Variants in REV1 observed in about 807,000 individuals in gnomAD.
The protein encoded by REV1 is REV1 DNA directed polymerase, also known as translesion synthesis protein REV1.
REV1 carries 42 observed loss-of-function variants against 137.4 expected under a neutral mutation model. The ratio of observed to expected loss-of-function variants is 0.31; its 90% CI spans 0.24 to 0.40. The LOEUF (loss-of-function observed/expected upper bound fraction) is 0.40, where lower values mean the gene tolerates loss of function less well. Among genes scored for constraint, REV1 ranks in the 10% least tolerant of loss-of-function variants. The probability of loss-of-function intolerance (pLI) is 1.00; values close to 1 mark genes in which losing one functional copy is unlikely to be tolerated. For missense variants in REV1, 1,282 were observed against 1,490.1 expected (o/e 0.86, Z 2.30); for synonymous variants, 524 against 519.2 (o/e 1.01, Z -0.12).
chr2:99,460,635 G>A (rs1051831701), intron 3 of REV1, among the ~76,000 whole-genome samples: 2 of 151,204 alleles, frequency 1.3e-5, no homozygotes, highest in African/African-American at 4.9e-5. Flanking sequence ...CTATAAAGTG[G>A]TAAAGTATTC....
At chr2:99,483,172 T>C (rs1377634817) in intron 1 of REV1, among the ~76,000 whole-genome samples, 1 of 152,068 alleles carries the variant, frequency 6.6e-6, no homozygotes, top group Non-Finnish European at 1.5e-5. Context: ...GAAATTGAAT[T>C]TATTATGAGT....
At position 99,403,034 on chromosome 2, in the gene REV1, A is replaced by G. The variant is rs776290254; in HGVS notation, c.3239T>C (p.Ile1080Thr). The G allele has an allele frequency of 5.6e-5, 90 of 1,613,932 alleles. 1 individual carries two copies. Among genetic ancestry groups the G allele is most frequent in the Non-Finnish European group, 4.8e-5 (57 of 1,179,990 alleles). ...EKKRNKKKKT[I>T]GSPKRIQSPL... ...ACTCTGAATCCTTTTTGGTGAACCA[A>G]TGGTTTTTTTCTTCTTGTTTCTTTT... The change falls in exon 20 of 23, where the codon ATT becomes ACT. Residue 1080 changes from isoleucine (I) to threonine (T), a missense_variant. Ile to Thr is a moderately conservative substitution (Grantham distance 89, BLOSUM62 -1). Around this residue, in one of 7 missense-constraint regions of REV1, gnomAD observed 170 missense variants for 156.8 expected, o/e 1.08. Coordinates refer to ENST00000258428, the MANE Select transcript of REV1 (RefSeq NM_016316.4).
At position 99,460,758 on chromosome 2, in the gene REV1, A is replaced by G. The variant is rs558851748; in HGVS notation, c.181+1738T>C. ...TTTGTACAGTTATAATGAAATCTTA[A>G]TAACAAGAGCAAAAATATTATCATC... On this transcript the variant is annotated intron_variant, in intron 3 of 22. Transcript: ENST00000258428. 2.0e-5 allele frequency among the ~76,000 whole-genome samples: 3 copies of G among 152,328 alleles called. No homozygotes were observed. The South Asian group carries it at 6.2e-4, about 32-fold the overall frequency.
intron 7 of REV1, 72 bp downstream of exon 7, chr2:99,435,762 T>C (rs1343413958): frequency 1.3e-6 from 1 of 795,196 alleles, no homozygotes; most frequent in Non-Finnish European, 2.0e-6. Context: ...TAAAAAAAGA[T>C]TTTGTAATCT....
At chr2:99,448,857 C>T (rs1341490743) in intron 4 of REV1, among the ~76,000 whole-genome samples, 1 of 152,218 alleles carries the variant, frequency 6.6e-6, no homozygotes. Context: ...CTGGCAAACA[C>T]ATTAACATGC....
chr2:99,445,458 G>T (rs1682075773), intron 4 of REV1, among the ~76,000 whole-genome samples: 1 of 152,074 alleles, frequency 6.6e-6, no homozygotes, highest in East Asian at 1.9e-4. Flanking sequence ...ACGCTACAAG[G>T]TTCTCAATCT....
chr2:99,411,398 T>G (rs1195422494), intron 13 of REV1, among the ~76,000 whole-genome samples: 6 of 149,498 alleles, frequency 4.0e-5, no homozygotes, highest in African/African-American at 1.5e-4. Flanking sequence ...AAAAGATATT[T>G]TTCCTTTCTT....
At chr2:99,404,374 C>G (rs1358429231) in intron 18 of REV1, 70 bp downstream of exon 18, 7 of 1,232,668 alleles carry the variant, frequency 5.7e-6, no homozygotes, top group Non-Finnish European at 7.0e-6. Context: ...GGAAGTGAGA[C>G]AGGTCCTAAG....
Position 99,424,144 on chromosome 2 carries a change from C to T in REV1, c.1676+8G>A, listed in dbSNP as rs772346039. The T allele has an allele frequency of 6.2e-7, 1 of 1,613,008 alleles. No homozygotes were observed. On this transcript the variant is annotated splice_region_variant and intron_variant, in intron 10 of 22. Coordinates refer to ENST00000258428, the MANE Select transcript of REV1 (RefSeq NM_016316.4). ...ACAGACACAAAATGACAGTTTGATA[C>T]ACTGTACCTTGCCAATGTTTCATAC...
chr2:99,456,023 A>G (rs569306697), intron 3 of REV1, among the ~76,000 whole-genome samples: 28 of 152,226 alleles, frequency 1.8e-4, no homozygotes, highest in African/African-American at 4.8e-4. Context: ...TCACACCACT[A>G]AAGTGCAACC....
chr2:99,488,411 C>T lies in REV1; in HGVS notation c.-11+1406G>A, dbSNP rs1285843001. 1.7e-5 allele frequency among the ~76,000 whole-genome samples: 2 copies of T among 119,306 alleles called. 1 individual carries two copies. The highest frequency in any genetic ancestry group is 3.7e-5 in the Non-Finnish European group (2 of 54,668). The allele number at this position is 119,306 out of a possible 152,430, so 78.3% of individuals were successfully genotyped here. A position where few individuals can be genotyped will look rare whatever the true frequency, so the allele number is the denominator to read the frequency against. On this transcript the variant is annotated intron_variant, in intron 1 of 22. Transcript: ENST00000258428. ...ATATGTACGGTTTACCGTAAAATAG[C>T]GGTTAAGGTTCTACAACAAAAGATA...
At chr2:99,449,865 T>C (rs1167522981) in intron 3 of REV1, among the ~76,000 whole-genome samples, 1 of 152,200 alleles carries the variant, frequency 6.6e-6, no homozygotes, top group Non-Finnish European at 1.5e-5. Flanking sequence ...AATTAACAAC[T>C]ATAAACCCAT....
rs558438222 is a variant in REV1 at position 99,488,740 on chromosome 2, T to C, written c.-11+1077A>G. Among the ~76,000 whole-genome samples the C allele has an allele frequency of 5.3e-5, 8 of 152,178 alleles. No homozygotes were observed. In the South Asian group the frequency reaches 1.0e-3, roughly 20 times the overall value. ...CTGATTTGCTACATACAGAACTCCA[T>C]AGAAAGAACCAAGGTTATGGTTGGT... On this transcript the variant is annotated intron_variant, in intron 1 of 22. Transcript: ENST00000258428.
intron 1 of REV1, among the ~76,000 whole-genome samples, chr2:99,467,108 G>A (rs373343985): frequency 6.6e-6 from 1 of 152,274 alleles, no homozygotes; most frequent in African/African-American, 2.4e-5. Context: ...GGAGTAAAGT[G>A]TATTTTAATA....
At chr2:99,471,583 T>G (rs1685414382) in intron 1 of REV1, among the ~76,000 whole-genome samples, 2 of 152,024 alleles carry the variant, frequency 1.3e-5, no homozygotes, top group African/African-American at 4.8e-5. Context: ...ATTTAAAACT[T>G]CTGTGAATCA....
At chr2:99,426,583 T>C (rs150652685) in intron 9 of REV1, among the ~76,000 whole-genome samples, 1 of 152,266 alleles carries the variant, frequency 6.6e-6, no homozygotes, top group Non-Finnish European at 1.5e-5. Context: ...TTCCTTTGGT[T>C]TGCCTTAGGT....
chr2:99,412,778 T>C lies in REV1; in HGVS notation c.2125A>G (p.Arg709Gly), dbSNP rs752438764. 6.8e-6 allele frequency: 11 copies of C among 1,614,180 alleles called. No individual in the cohort carries two copies. The highest frequency in any genetic ancestry group is 9.3e-6 in the Non-Finnish European group (11 of 1,180,000). ...DDRPVRTEKE[R>G]KSVSAEINYG... is the part of the protein sequence containing the mutation. ...TTGATCTCAGCTGAAACAGATTTTC[T>C]TTCCTTTTCAGTTCGAACTGGTCTA... Residue 709 changes from arginine (R) to glycine (G), a missense_variant, in exon 13 of 23, where the codon AGA becomes GGA. This residue lies in a region of REV1 where 372 missense variants were observed against 482.3 expected (regional missense o/e 0.77). Coordinates refer to ENST00000258428, the MANE Select transcript of REV1 (RefSeq NM_016316.4).
At position 99,439,643 on chromosome 2, in the gene REV1, T is replaced by C. The variant is rs539511740; in HGVS notation, c.504-333A>G. Among the ~76,000 whole-genome samples the C allele has an allele frequency of 1.9e-4, 29 of 152,314 alleles. No individual in the cohort carries two copies. The South Asian group carries it at 5.8e-3, about 30-fold the overall frequency. On this transcript the variant is annotated intron_variant, in intron 5 of 22. Coordinates refer to ENST00000258428, the MANE Select transcript of REV1 (RefSeq NM_016316.4). ...AAGAAATAAAATAGAACATTTCTCATGGCTGAAGAAAAACCCAAAAAACTT... is the reference window on the plus strand; with the variant it reads ...AAGAAATAAAATAGAACATTTCTCACGGCTGAAGAAAAACCCAAAAAACTT...
chr2:99,461,903 G>C (rs1413995841), intron 3 of REV1, among the ~76,000 whole-genome samples: 1 of 152,154 alleles, frequency 6.6e-6, no homozygotes, highest in Non-Finnish European at 1.5e-5. Flanking sequence ...CAAGAATAAA[G>C]ACTACACTAC....
Sources: gnomAD v4.1 joint callset for allele counts (sites outside exome capture counted in the v4.1 genomes callset) on GRCh38, gnomAD v4.1.1 for gene constraint, gnomAD v4.1.1 regional missense constraint, MANE v1.5 for transcripts, NCBI Gene and HGNC (gene_info 2026-07-23, HGNC 2026-07-21) for gene names.